The following TMC5 variants were observed in gnomAD, a reference collection of about 807,000 sequenced individuals.
TMC5 encodes transmembrane channel like 5, also known as transmembrane channel-like protein 5.
A neutral mutation model predicts 110.5 loss-of-function variants in TMC5; 86 were observed. The ratio of observed to expected loss-of-function variants is 0.78; its 90% CI spans 0.65 to 0.93. The LOEUF is 0.93. TMC5 is among the 40% of genes least tolerant of loss of function. TMC5 has a pLI of 0.00. For synonymous variants in TMC5, 455 were observed against 439.5 expected, an observed-to-expected ratio of 1.04 and a Z score of -0.44; for missense variants, 1,144 against 1,222.8, an observed-to-expected ratio of 0.94 and a Z score of 0.96.
intron 10 of TMC5, 75 bp from the exon 11 acceptor site, chr16:19,472,013 G>T: frequency 6.7e-7 from 1 of 1,484,184 alleles, no homozygotes; most frequent in Non-Finnish European, 9.2e-7. Context: ...CACCCGCCTT[G>T]GCCTCCCAAA....
At chr16:19,456,634 T>TG in intron 5 of TMC5, 5 of 1,542,840 alleles carry the variant, frequency 3.2e-6, no homozygotes, top group Non-Finnish European at 4.4e-6. Context: ...TCCCAATCAA[T>TG]GCGGGTGTGA....
chr16:19,443,863 CAATG>C (rs138488130), intron 3 of TMC5, among the ~76,000 whole-genome samples: 5,537 of 147,946 alleles, frequency 0.037, 125 homozygotes, highest in African/African-American at 0.06. Context: ...ACAGATGAAT[CAATG>C]GATGGATGAA....
chr16:19,440,788 T>C lies in TMC5; in HGVS notation c.750T>C (p.His250=). 6.2e-7 allele frequency: 1 copy of C among 1,613,854 alleles called. No individual in the cohort carries two copies. The highest frequency in any genetic ancestry group is 8.5e-7 in the Non-Finnish European group (1 of 1,180,024). ...ATTATTCAGATGCTGAGAATGGTCA[T>C]GATTATGGCTCTTCTGAGACCCCAA... The part of the protein sequence containing the change: ...EPDYSDAENG[H]DYGSSETPKM... Residue 250 remains histidine (H), a synonymous_variant, in exon 3 of 22, where the codon CAT becomes CAC. Transcript: ENST00000542583.
upstream of TMC5, among the ~76,000 whole-genome samples, chr16:19,414,677 C>T (rs535302878): frequency 2.6e-5 from 4 of 152,244 alleles, no homozygotes; most frequent in South Asian, 2.1e-4. Flanking sequence ...GAGGCTGAGG[C>T]GGGAGGATCG....
chr16:19,486,967 CT>C lies in TMC5; in HGVS notation c.2387del (p.Leu796ArgfsTer7), dbSNP rs756139725. 1.2e-6 allele frequency: 2 copies of C among 1,614,148 alleles called. No individual in the cohort carries two copies. The highest frequency in any genetic ancestry group is 1.7e-6 in the Non-Finnish European group (2 of 1,180,044). On this transcript the variant is annotated frameshift_variant, in exon 16 of 22. Coordinates refer to ENST00000542583, the MANE Select transcript of TMC5 (RefSeq NM_001261841.2). LOFTEE classifies it high-confidence loss of function. ...CAGGATTGGCATCTTCTTCTGCCCC[CT>C]GCTGCCCTTTATCCAAATGATTATG... ...LVWIGIFFCP[L>X]LPFIQMIMLF...
intron 1 of TMC5, among the ~76,000 whole-genome samples, chr16:19,427,167 G>A (rs1388640856): frequency 2.0e-5 from 3 of 152,166 alleles, no homozygotes; most frequent in Non-Finnish European, 4.4e-5. Flanking sequence ...AAATGTTGGA[G>A]TTCCGGCTGG....
intron 19 of TMC5, among the ~76,000 whole-genome samples, chr16:19,492,943 A>ATATATTTATATATATATATATAT: frequency 1.1e-5 from 1 of 92,118 alleles, no homozygotes; most frequent in East Asian, 3.1e-4. Context: ...TCTCTCTATA[A>ATATATTTATATATATATATATAT]GATAAATACT....
chr16:19,475,453 T>C (rs1319902504), intron 12 of TMC5, among the ~76,000 whole-genome samples: 2 of 151,160 alleles, frequency 1.3e-5, no homozygotes, highest in African/African-American at 4.9e-5. Flanking sequence ...GTCTGTACAA[T>C]GCAGACTGAG....
chr16:19,447,252 G>A (rs942060362), intron 4 of TMC5, among the ~76,000 whole-genome samples: 1 of 152,016 alleles, frequency 6.6e-6, no homozygotes, highest in Non-Finnish European at 1.5e-5. Flanking sequence ...ACCAGTGAGT[G>A]ACCTAGGGCA....
At position 19,449,672 on chromosome 16, in the gene TMC5, C is replaced by G. The variant is rs73538099; in HGVS notation, c.1048+41C>G. The G allele has an allele frequency of 1.1e-3, 1,719 of 1,558,008 alleles. 18 individuals are homozygous for G. The African/African-American group carries it at 0.02, about 18-fold the overall frequency. On this transcript the variant is annotated intron_variant, in intron 5 of 21. Transcript: ENST00000542583. ...TGGCTCTGTGTCCCCACCCAACTCT[C>G]ATTTCAAATTGTAATCCCCATGTGT...
At chr16:19,430,203 G>A (rs186825434) in intron 1 of TMC5, among the ~76,000 whole-genome samples, 3 of 152,280 alleles carry the variant, frequency 2.0e-5, no homozygotes, top group East Asian at 3.9e-4. Context: ...ATGCAAGTCT[G>A]GAATTCATAT....
chr16:19,442,477 C>T (rs1427846535), intron 3 of TMC5, among the ~76,000 whole-genome samples: 1 of 151,868 alleles, frequency 6.6e-6, no homozygotes, highest in East Asian at 1.9e-4. Context: ...TACAGGCATG[C>T]ACCACCATGC....
intron 1 of TMC5, among the ~76,000 whole-genome samples, chr16:19,412,865 G>C (rs1309668624): frequency 2.6e-5 from 4 of 152,090 alleles, no homozygotes; most frequent in Admixed American, 2.6e-4. Flanking sequence ...TAGTTTTAGA[G>C]ACTGAGTCTT....
chr16:19,440,012 A>T lies in TMC5; in HGVS notation c.-27A>T, dbSNP rs1967443403. The T allele has an allele frequency of 1.3e-6, 2 of 1,570,188 alleles. No homozygotes were observed. On this transcript the variant is annotated 5_prime_UTR_variant, in exon 3 of 22. Coordinates refer to ENST00000542583, the MANE Select transcript of TMC5 (RefSeq NM_001261841.2). Reference sequence around the variant, plus strand: ...ATTGCAAATGCTGGGACAGTTTACCACTCCAGGGTGAAGAGTCCATACCAA... The same window carrying T: ...ATTGCAAATGCTGGGACAGTTTACCTCTCCAGGGTGAAGAGTCCATACCAA...
intron 2 of TMC5, among the ~76,000 whole-genome samples, chr16:19,434,036 T>TATATATATA (rs1178765862): frequency 1.6e-4 from 1 of 6,420 alleles, no homozygotes. Context: ...ATCTATATAT[T>TATATATATA]ATATATATAA....
intron 11 of TMC5, among the ~76,000 whole-genome samples, chr16:19,472,949 G>A (rs865962815): frequency 6.6e-5 from 10 of 152,134 alleles, no homozygotes; most frequent in Non-Finnish European, 1.0e-4. Flanking sequence ...CAAGGCCCAT[G>A]GAAGGATGCC....
upstream of TMC5, among the ~76,000 whole-genome samples, chr16:19,415,616 C>T (rs1396614908): frequency 1.3e-5 from 2 of 152,202 alleles, no homozygotes; most frequent in African/African-American, 4.8e-5. Flanking sequence ...ACTGCTTTGA[C>T]TTCTTGCCAG....
chr16:19,490,527 T>C lies in TMC5; in HGVS notation c.2706T>C (p.Ile902=), dbSNP rs1309571760. The change falls in exon 18 of 22, where the codon ATT becomes ATC. Residue 902 remains isoleucine (I), a synonymous_variant. Coordinates refer to ENST00000542583, the MANE Select transcript of TMC5 (RefSeq NM_001261841.2). ...TTGTTTGGATCTATCGGAACCTCAT[T>C]GGAAGTGTGCACTTCTTTTTCATCC... ...LWVVWIYRNL[I]GSVHFFFILT... 6.2e-7 allele frequency: 1 copy of C among 1,614,156 alleles called. No homozygotes were observed.
At chr16:19,451,989 G>A (rs111824008) in intron 5 of TMC5, among the ~76,000 whole-genome samples, 10,697 of 152,068 alleles carry the variant, frequency 0.07, 769 homozygotes, top group African/African-American at 0.19. Context: ...AGTAGAGACG[G>A]GGTTTCGGCA....
Sources: gnomAD v4.1 joint callset for allele counts (sites outside exome capture counted in the v4.1 genomes callset) on GRCh38, gnomAD v4.1.1 for gene constraint, MANE v1.5 for transcripts, NCBI Gene and HGNC (gene_info 2026-07-23, HGNC 2026-07-21) for gene names.